The following ZNF280D variants were observed in gnomAD, a reference collection of about 807,000 sequenced individuals.
ZNF280D encodes zinc finger protein 280D.
A neutral mutation model predicts 94.7 loss-of-function variants in ZNF280D; 39 were observed. That is an observed-to-expected ratio of 0.41 (90% CI 0.32 to 0.54). The LOEUF is 0.54. ZNF280D is among the 20% of genes least tolerant of loss of function. The pLI is 0.22. For missense variants in ZNF280D, 1,090 were observed against 1,149.3 expected (o/e 0.95, Z 0.75); for synonymous variants, 398 against 377.6 (o/e 1.05, Z -0.63).
chr15:56,710,053 A>G (rs1276861457), intron 1 of ZNF280D, among the ~76,000 whole-genome samples: 2 of 152,254 alleles, frequency 1.3e-5, no homozygotes, highest in African/African-American at 2.4e-5. Context: ...GAATACATCC[A>G]ACAAAGATGT....
intron 1 of ZNF280D, among the ~76,000 whole-genome samples, chr15:56,712,594 CAAAAAAAAAA>C (rs1171267893): frequency 1.3e-5 from 1 of 76,982 alleles, no homozygotes; most frequent in Admixed American, 2.0e-4. Flanking sequence ...ACCCTCATAC[CAAAAAAAAAA>C]AAAAAAAAAA....
chr15:56,726,872 T>C (rs963528572), intron 1 of ZNF280D, among the ~76,000 whole-genome samples: 5 of 152,182 alleles, frequency 3.3e-5, no homozygotes, highest in East Asian at 3.9e-4. Flanking sequence ...AATTAAACTA[T>C]GAAAAGACAG....
intron 1 of ZNF280D, among the ~76,000 whole-genome samples, chr15:56,717,660 T>C (rs1393618684): frequency 6.6e-6 from 1 of 152,122 alleles, no homozygotes; most frequent in Non-Finnish European, 1.5e-5. Context: ...CACCTAATCC[T>C]CAAAAACTCC....
Position 56,693,118 on chromosome 15 carries a change from C to A in ZNF280D, c.479G>T (p.Gly160Val). The A allele has an allele frequency of 6.2e-7, 1 of 1,603,604 alleles. No individual in the cohort carries two copies. The highest frequency in any genetic ancestry group is 1.1e-5 in the South Asian group (1 of 88,902). Reference sequence around the variant, plus strand: ...CCAACCTGCCATAGAAAGTGTTGGTCCCCCTTGGTAATGTGATAATCCTGT... The same window carrying A: ...CCAACCTGCCATAGAAAGTGTTGGTACCCCTTGGTAATGTGATAATCCTGT... ...QDTGLSHYQG[G>V]PTLSMAGMSE... The change falls in exon 7 of 22, where the codon GGA (glycine) becomes GTA (valine). Residue 160 changes from glycine to valine, a missense_variant. Physicochemically the swap from Gly to Val is moderately radical, Grantham distance 109 (BLOSUM62 -3). This residue lies in a region of ZNF280D where 386 missense variants were observed against 372.0 expected (regional missense o/e 1.04). Coordinates refer to ENST00000267807, the MANE Select transcript of ZNF280D (RefSeq NM_017661.4).
chr15:56,647,608 T>C (rs548999117), intron 19 of ZNF280D, among the ~76,000 whole-genome samples: 7 of 152,292 alleles, frequency 4.6e-5, no homozygotes, highest in African/African-American at 1.7e-4. Context: ...CACGGCTCAC[T>C]GTAACCTCCA....
intron 18 of ZNF280D, 47 bp downstream of exon 18, chr15:56,654,338 T>C (rs1225532091): frequency 1.3e-6 from 2 of 1,595,006 alleles, no homozygotes; most frequent in African/African-American, 1.4e-5. Flanking sequence ...CCAAAAATAC[T>C]GGAATAAAAG....
chr15:56,711,161 G>C (rs762492616), intron 1 of ZNF280D, among the ~76,000 whole-genome samples: 2 of 152,120 alleles, frequency 1.3e-5, no homozygotes, highest in Admixed American at 6.5e-5. Context: ...TATGATGTTG[G>C]ACAAGTTAGT....
Position 56,689,286 on chromosome 15 carries a change from C to T in ZNF280D, c.670+14G>A, listed in dbSNP as rs1326330919. The T allele has an allele frequency of 1.3e-6, 2 of 1,589,150 alleles. No homozygotes were observed. Among genetic ancestry groups the T allele is most frequent in the African/African-American group, 2.7e-5 (2 of 73,400 alleles). ...TACTATAACTTCTTTTTATGTACCA[C>T]ATTTCATATTTACCTTTTGCTAGCA... On this transcript the variant is annotated intron_variant, in intron 8 of 21. Coordinates refer to ENST00000267807, the MANE Select transcript of ZNF280D (RefSeq NM_017661.4).
intron 1 of ZNF280D, among the ~76,000 whole-genome samples, chr15:56,723,749 C>A (rs1450858764): frequency 2.0e-5 from 3 of 152,104 alleles, no homozygotes; most frequent in African/African-American, 7.2e-5. Context: ...CCCATAGAAC[C>A]TCACACCTAA....
rs975687200 is a variant in ZNF280D at position 56,729,714 on chromosome 15, A to G, written c.-86+3744T>C. On this transcript the variant is annotated intron_variant, in intron 1 of 21. Transcript: ENST00000267807. ...AGAAGAAATTCCTCATGCAACTAGG[A>G]AAATAACTTGCAGAAAATAGGAAGG... 1.6e-4 allele frequency: 24 copies of G among 152,214 alleles called. 1 individual carries two copies. The highest frequency in any genetic ancestry group is 4.4e-5 in the Non-Finnish European group (3 of 68,026). The allele number at this position is 152,214 out of a possible 1,614,324, so 9.4% of individuals were successfully genotyped here. A position where few individuals can be genotyped will look rare whatever the true frequency, so the allele number is the denominator to read the frequency against.
intron 14 of ZNF280D, among the ~76,000 whole-genome samples, chr15:56,667,223 A>G (rs1309921110): frequency 1.3e-5 from 2 of 152,192 alleles, no homozygotes; most frequent in African/African-American, 4.8e-5. Flanking sequence ...CACAGTTATC[A>G]GTGAATAATT....
At chr15:56,660,575 C>T (rs1194804065) in intron 16 of ZNF280D, among the ~76,000 whole-genome samples, 4 of 151,894 alleles carry the variant, frequency 2.6e-5, no homozygotes, top group South Asian at 4.2e-4. Flanking sequence ...AAATACTACC[C>T]TTCTTCCTAT....
At chr15:56,725,862 G>C (rs907347284) in intron 1 of ZNF280D, among the ~76,000 whole-genome samples, 1 of 151,720 alleles carries the variant, frequency 6.6e-6, no homozygotes, top group Admixed American at 6.6e-5. Flanking sequence ...TATGTGTAAG[G>C]CATTGTGTTT....
Position 56,635,230 on chromosome 15 carries a change from C to G in ZNF280D, c.2280G>C (p.Met760Ile), listed in dbSNP as rs1437680253. 6 of 1,544,852 alleles carry G rather than the reference C, an allele frequency of 3.9e-6. No individual in the cohort carries two copies. The highest frequency in any genetic ancestry group is 1.4e-5 in the African/African-American group (1 of 71,362). ...TTGATGTTTCTGTTTCTCTTTCAGC[C>G]ATGTTAGGTCTTGCAATTTCCTGAA... ...PVSKEIARPN[M>I]AERETETSNS... is the part of the protein sequence containing the mutation. The change falls in exon 21 of 22, where the codon ATG becomes ATC. Residue 760 changes from methionine (M) to isoleucine (I), a missense_variant. Physicochemically the swap from Met to Ile is conservative, Grantham distance 10 (BLOSUM62 1). Coordinates refer to ENST00000267807, the MANE Select transcript of ZNF280D (RefSeq NM_017661.4).
chr15:56,714,810 G>C (rs2057950678), intron 1 of ZNF280D, among the ~76,000 whole-genome samples: 1 of 152,026 alleles, frequency 6.6e-6, no homozygotes, highest in Non-Finnish European at 1.5e-5. Flanking sequence ...ACTTTGAAAG[G>C]ACAATAAAAT....
At chr15:56,670,244 G>C (rs895340588) in intron 13 of ZNF280D, among the ~76,000 whole-genome samples, 7 of 149,722 alleles carry the variant, frequency 4.7e-5, no homozygotes, top group African/African-American at 9.8e-5. Flanking sequence ...AGGATGTGCA[G>C]GTTTGATACA....
At chr15:56,664,998 T>C (rs1259705033) in intron 16 of ZNF280D, among the ~76,000 whole-genome samples, 3 of 151,876 alleles carry the variant, frequency 2.0e-5, no homozygotes, top group East Asian at 3.9e-4. Flanking sequence ...CCAAAAGGAA[T>C]GAACAGTTTA....
chr15:56,640,168 A>G, intron 20 of ZNF280D, among the ~76,000 whole-genome samples: 1 of 152,152 alleles, frequency 6.6e-6, no homozygotes, highest in East Asian at 1.9e-4. Flanking sequence ...TCAGCATAAC[A>G]GTCTCAAAAA....
intron 4 of ZNF280D, 78 bp from the exon 5 acceptor site, chr15:56,701,316 A>T (rs1263458992): frequency 3.9e-6 from 4 of 1,016,440 alleles, no homozygotes; most frequent in Non-Finnish European, 5.8e-6. Flanking sequence ...CATGAATTGA[A>T]AACATTTAAA....
Sources: allele counts gnomAD v4.1 joint callset (sites outside exome capture counted in the v4.1 genomes callset), GRCh38; gene constraint gnomAD v4.1.1; regional missense constraint gnomAD v4.1.1; transcripts MANE v1.5; gene names NCBI Gene and HGNC (gene_info 2026-07-23, HGNC 2026-07-21).